The following HNRNPDL variants were observed in gnomAD, a reference collection of about 807,000 sequenced individuals.
The protein encoded by HNRNPDL is heterogeneous nuclear ribonucleoprotein D like, also known as heterogeneous nuclear ribonucleoprotein D-like.
Under a neutral mutation model 48.0 loss-of-function variants are expected in HNRNPDL, and 18 were observed. That is an observed-to-expected ratio of 0.38 (90% CI 0.26 to 0.56). HNRNPDL has a LOEUF of 0.56. HNRNPDL is among the 20% of genes least tolerant of loss of function. HNRNPDL has a pLI of 0.77. For synonymous variants in HNRNPDL, 306 were observed against 207.3 expected (o/e 1.48, Z -4.09); for missense variants, 553 against 540.7 (o/e 1.02, Z -0.23).
chr4:82,425,000 T>A (rs1246966514), intron 7 of HNRNPDL, 117 bp from the exon 8 acceptor site: 2 of 152,232 alleles, frequency 1.3e-5, no homozygotes, highest in Non-Finnish European at 2.9e-5. Flanking sequence ...TTAAAGATCA[T>A]ATGCATATTT....
rs746207168 is a variant in HNRNPDL at position 82,429,425 on chromosome 4, T to C, written c.266A>G (p.His89Arg). 26 of 1,612,526 alleles carry C rather than the reference T, an allele frequency of 1.6e-5. No homozygotes were observed. The highest frequency in any genetic ancestry group is 2.7e-5 in the African/African-American group (2 of 74,796). Residue 89 changes from histidine to arginine, a missense_variant, in exon 1 of 8, where the codon CAT (histidine) becomes CGT (arginine). Physicochemically the swap from His to Arg is conservative, Grantham distance 29 (BLOSUM62 0). This residue lies in a region of HNRNPDL where 327 missense variants were observed against 203.2 expected (regional missense o/e 1.61). Coordinates refer to ENST00000295470, the MANE Select transcript of HNRNPDL (RefSeq NM_031372.4). ...GCGTTGTATGGAGCTGGATTTAAAA[T>C]GGCGGCGGAAGAGATCCGGGCGCCG... ...RRRRPDLFRR[H>R]FKSSSIQRSA... is the part of the protein sequence containing the mutation.
At position 82,429,309 on chromosome 4, in the gene HNRNPDL, T is replaced by G; in HGVS notation, c.382A>C (p.Asn128His). The G allele has an allele frequency of 6.2e-7, 1 of 1,613,824 alleles. No individual in the cohort carries two copies. The highest frequency in any genetic ancestry group is 8.5e-7 in the Non-Finnish European group (1 of 1,179,896). ...GATCCCTCTGCGAATTCCTCTATAT[T>G]GCTGTACTCGTTCATATCCTCCATA... ...VTMEDMNEYSNIEEFAEGSKI... is the reference protein window; with the variant it reads ...VTMEDMNEYSHIEEFAEGSKI... Residue 128 changes from asparagine to histidine, a missense_variant, in exon 1 of 8, where the codon AAT (asparagine) becomes CAT (histidine). By Grantham distance (68) the Asn-to-His change is moderately conservative. Transcript: ENST00000295470.
At position 82,424,064 on chromosome 4, in the gene HNRNPDL, A is replaced by G. The variant is rs1226106602; in HGVS notation, c.*842T>C. 1 of 152,180 alleles carries G rather than the reference A, an allele frequency of 6.6e-6. No individual in the cohort carries two copies. The highest frequency in any genetic ancestry group is 2.4e-5 in the African/African-American group (1 of 41,422). The allele number at this position is 152,180 out of a possible 1,614,324, so 9.4% of individuals were successfully genotyped here. On this transcript the variant is annotated 3_prime_UTR_variant, in exon 8 of 8. Coordinates refer to ENST00000295470, the MANE Select transcript of HNRNPDL (RefSeq NM_031372.4). ...CTATTTTAATTTTTCGACCAAACTC[A>G]TACCTTTCTACCAAAATCCTTGAGT...
rs1327232953 is a variant in HNRNPDL at position 82,424,587 on chromosome 4, A to T, written c.*319T>A. The T allele has an allele frequency of 8.5e-5, 13 of 152,556 alleles. No individual in the cohort carries two copies. The highest frequency in any genetic ancestry group is 1.3e-4 in the Non-Finnish European group (9 of 68,024). The allele number at this position is 152,556 out of a possible 1,614,324, so 9.5% of individuals were successfully genotyped here. ...TTAATTATTGCTTATTTTAAATTACATTTTTTACAGAGCTATGTAGTACCT... is the reference window on the plus strand; with the variant it reads ...TTAATTATTGCTTATTTTAAATTACTTTTTTTACAGAGCTATGTAGTACCT... On this transcript the variant is annotated 3_prime_UTR_variant, in exon 8 of 8. Transcript: ENST00000295470.
In HNRNPDL at chr4:82,429,776, G is replaced by T; in HGVS notation, c.-86C>A. ...AAGAATCAGAAGAGAAAAACGAAGG[G>T]GCGTAAATTCCTGGGGTCAGCAGTC... is the stretch of plus-strand genomic sequence containing the variant. On this transcript the variant is annotated 5_prime_UTR_variant, in exon 1 of 8. Transcript: ENST00000295470. 1 of 1,084,526 alleles carries T rather than the reference G, an allele frequency of 9.2e-7. No individual in the cohort carries two copies. Among genetic ancestry groups the T allele is most frequent in the Non-Finnish European group, 1.2e-6 (1 of 829,296 alleles). 67.2% of individuals were successfully genotyped at this position (1,084,526 alleles called of 1,614,324 possible). A position where few individuals can be genotyped will look rare whatever the true frequency, so the allele number is the denominator to read the frequency against.
In HNRNPDL at chr4:82,426,444, T is replaced by G. The variant is rs1171101845; in HGVS notation, c.1192+19A>C. The G allele has an allele frequency of 3.1e-6, 5 of 1,592,538 alleles. No homozygotes were observed. The East Asian group carries it at 1.1e-4, about 36-fold the overall frequency. On this transcript the variant is annotated intron_variant, in intron 6 of 7. Transcript: ENST00000295470. The stretch of plus-strand genomic sequence containing the variant: ...ATTTTAATACCACTGCTTTATAAAA[T>G]TAAGTTAAATATTCTTACCACTGTA...
At chr4:82,425,853 G>C in intron 7 of HNRNPDL, 184 bp downstream of exon 7, 1 of 531,804 alleles carries the variant, frequency 1.9e-6, no homozygotes, top group Non-Finnish European at 3.3e-6. Context: ...TAAAGAAAGT[G>C]AGATAAGACT....
intron 3 of HNRNPDL, among the ~76,000 whole-genome samples, 155 bp downstream of exon 3, chr4:82,427,863 C>G (rs916111605): frequency 6.6e-6 from 1 of 152,200 alleles, no homozygotes; most frequent in African/African-American, 2.4e-5. Flanking sequence ...TCCATCAGAG[C>G]AGCAATGAAA....
rs192018764 is a variant in HNRNPDL at position 82,427,385 on chromosome 4, T to A, written c.906+48A>T. ...TTTTATTTTTCTCCACATCAAGAAA[T>A]TATTTCAATTATTTAAATTTTCATT... On this transcript the variant is annotated intron_variant, in intron 4 of 7. Coordinates refer to ENST00000295470, the MANE Select transcript of HNRNPDL (RefSeq NM_031372.4). 706 of 1,534,638 alleles carry A rather than the reference T, an allele frequency of 4.6e-4. 3 individuals are homozygous for A. In the African/African-American group the frequency reaches 7.1e-3, roughly 15 times the overall value.
chr4:82,426,191 C>A (rs995822841), intron 6 of HNRNPDL, 62 bp from the exon 7 acceptor site: 1 of 1,375,712 alleles, frequency 7.3e-7, no homozygotes, highest in Non-Finnish European at 1.0e-6. Context: ...TTTACAAACA[C>A]AAACTATTAA....
At position 82,429,639 on chromosome 4, in the gene HNRNPDL, C is replaced by T. The variant is rs2110032017; in HGVS notation, c.52G>A (p.Ala18Thr). 1.5e-6 allele frequency: 2 copies of T among 1,367,930 alleles called. No homozygotes were observed. The highest frequency in any genetic ancestry group is 1.9e-6 in the Non-Finnish European group (2 of 1,061,922). 84.7% of individuals were successfully genotyped at this position (1,367,930 alleles called of 1,614,324 possible). ...SHVPPPLFPS[A>T]PATLASRSLS... ...CTGCGGGAGGCTAAAGTAGCGGGAG[C>T]GGAGGGGAACAATGGCGGCGGCACA... Residue 18 changes from alanine (A) to threonine (T), a missense_variant, in exon 1 of 8, where the codon GCT (alanine) becomes ACT (threonine). Transcript: ENST00000295470.
intron 6 of HNRNPDL, 152 bp from the exon 7 acceptor site, chr4:82,426,281 C>A: frequency 1.2e-6 from 1 of 860,270 alleles, no homozygotes; most frequent in Non-Finnish European, 1.9e-6. Context: ...AATCATACAT[C>A]CTAGTTCATT....
intron 3 of HNRNPDL, 76 bp from the exon 4 acceptor site, chr4:82,427,640 C>T: frequency 7.4e-7 from 1 of 1,348,122 alleles, no homozygotes. Context: ...AAGGCCTTTT[C>T]AGGCTTCAAC....
In HNRNPDL at chr4:82,428,308, C is replaced by T; in HGVS notation, c.582G>A (p.Val194=). ...VTGRSRGFGF[V]LFKDAASVDK... ...CAACACTAGCAGCATCTTTGAAAAG[C>T]ACAAATCCAAATCCTCTTGATCTCC... The change falls in exon 2 of 8, where the codon GTG becomes GTA. Residue 194 remains valine, a synonymous_variant. Transcript: ENST00000295470. 6.2e-7 allele frequency: 1 copy of T among 1,613,434 alleles called. No homozygotes were observed. The highest frequency in any genetic ancestry group is 8.5e-7 in the Non-Finnish European group (1 of 1,179,570).
In HNRNPDL at chr4:82,424,316, T is replaced by G. The variant is rs1370082594; in HGVS notation, c.*590A>C. The G allele has an allele frequency of 6.6e-6, 1 of 152,390 alleles. No homozygotes were observed. The highest frequency in any genetic ancestry group is 1.5e-5 in the Non-Finnish European group (1 of 68,034). 9.4% of individuals were successfully genotyped at this position (152,390 alleles called of 1,614,324 possible). On this transcript the variant is annotated 3_prime_UTR_variant, in exon 8 of 8. Coordinates refer to ENST00000295470, the MANE Select transcript of HNRNPDL (RefSeq NM_031372.4). The stretch of plus-strand genomic sequence containing the variant: ...ATTTTATTACAATCCAGAAGAAATA[T>G]GGTCTACTAGAAAGCTTCTACTAAT...
Position 82,429,725 on chromosome 4 carries a change from G to A in HNRNPDL, c.-35C>T. 1.5e-6 allele frequency: 2 copies of A among 1,319,558 alleles called. No individual in the cohort carries two copies. The highest frequency in any genetic ancestry group is 1.9e-6 in the Non-Finnish European group (2 of 1,033,058). 81.7% of individuals were successfully genotyped at this position (1,319,558 alleles called of 1,614,324 possible). ...CCCGGCAAGGAGAGAGGCCACGCGT[G>A]AGGGGACGCGGGCTTGGGAGAAGAG... On this transcript the variant is annotated 5_prime_UTR_variant, in exon 1 of 8. Transcript: ENST00000295470.
intron 5 of HNRNPDL, 45 bp from the exon 6 acceptor site, chr4:82,426,678 C>T (rs755534957): frequency 1.3e-6 from 2 of 1,508,640 alleles, no homozygotes; most frequent in East Asian, 2.3e-5. Context: ...TTCTGACCCC[C>T]AATTCTAACA....
Position 82,430,352 on chromosome 4 carries a change from C to G in HNRNPDL, c.-662G>C, listed in dbSNP as rs986795715. On this transcript the variant is annotated 5_prime_UTR_variant, in exon 1 of 8. Transcript: ENST00000295470. ...GCAAGGGGCACTCACATCCCCGGCGCGCCACTCGCGGGGCTCCTTTCTGCA... is the reference window on the plus strand; with the variant it reads ...GCAAGGGGCACTCACATCCCCGGCGGGCCACTCGCGGGGCTCCTTTCTGCA... 6.2e-6 allele frequency: 1 copy of G among 162,420 alleles called. No individual in the cohort carries two copies. Among genetic ancestry groups the G allele is most frequent in the African/African-American group, 2.4e-5 (1 of 41,578 alleles). The allele number at this position is 162,420 out of a possible 1,614,324, so 10.1% of individuals were successfully genotyped here. A position where few individuals can be genotyped will look rare whatever the true frequency, so the allele number is the denominator to read the frequency against.
intron 5 of HNRNPDL, among the ~76,000 whole-genome samples, chr4:82,426,878 G>C (rs1721433104): frequency 6.6e-6 from 1 of 152,124 alleles, no homozygotes; most frequent in South Asian, 2.1e-4. Context: ...GCCGAAGACA[G>C]GTACACTGTT....
Sources: allele counts gnomAD v4.1 joint callset (sites outside exome capture counted in the v4.1 genomes callset), GRCh38; gene constraint gnomAD v4.1.1; regional missense constraint gnomAD v4.1.1; transcripts MANE v1.5; gene names NCBI Gene and HGNC (gene_info 2026-07-23, HGNC 2026-07-21).